Variants in NCAPG observed in about 807,000 individuals in gnomAD.
The protein encoded by NCAPG is condensin complex subunit 3.
Under a neutral mutation model 113.1 loss-of-function variants are expected in NCAPG, and 69 were observed. That is an observed-to-expected ratio of 0.61 (90% confidence interval 0.50 to 0.75). The LOEUF (loss-of-function observed/expected upper bound fraction) is 0.75, where lower values mean the gene tolerates loss of function less well. Among genes scored for constraint, NCAPG ranks in the 30% least tolerant of loss-of-function variants. The pLI, the probability that NCAPG is intolerant of heterozygous loss-of-function variation, is 0.00. For missense variants in NCAPG, 1,058 were observed against 1,177.0 expected (o/e 0.90, Z 1.48); for synonymous variants, 370 against 415.8 (o/e 0.89, Z 1.34).
intron 16 of NCAPG, among the ~76,000 whole-genome samples, chr4:17,838,135 C>A (rs543313477): frequency 1.3e-5 from 2 of 152,272 alleles, no homozygotes; most frequent in South Asian, 4.1e-4. Flanking sequence ...TGCTATGCTT[C>A]TGGCACAAGA....
At chr4:17,821,761 G>A (rs2109049812) in intron 7 of NCAPG, among the ~76,000 whole-genome samples, 1 of 143,292 alleles carries the variant, frequency 7.0e-6, no homozygotes, top group East Asian at 2.0e-4. Flanking sequence ...CACTGTGCCC[G>A]GCGACATTTT....
chr4:17,817,987 G>T lies in NCAPG; in HGVS notation c.1017G>T (p.Trp339Cys), dbSNP rs965884253. 1 of 1,613,168 alleles carries T rather than the reference G, an allele frequency of 6.2e-7. No homozygotes were observed. The highest frequency in any genetic ancestry group is 8.5e-7 in the Non-Finnish European group (1 of 1,179,646). Residue 339 changes from tryptophan to cysteine, a missense_variant, in exon 7 of 21, where the codon TGG (tryptophan) becomes TGT (cysteine). Physicochemically the swap from Trp to Cys is radical, Grantham distance 215 (BLOSUM62 -2). Coordinates refer to ENST00000251496, the MANE Select transcript of NCAPG (RefSeq NM_022346.5). ...TAACTCCTGAAATTGCTTTGTATTGGTGTGCCCTTTGTGAATATTTGAAAT... is the reference window on the plus strand; with the variant it reads ...TAACTCCTGAAATTGCTTTGTATTGTTGTGCCCTTTGTGAATATTTGAAAT... The part of the protein sequence containing the change: ...ETLTPEIALY[W>C]CALCEYLKSK...
At chr4:17,826,413 C>T (rs1025783867) in intron 11 of NCAPG, among the ~76,000 whole-genome samples, 5 of 152,160 alleles carry the variant, frequency 3.3e-5, no homozygotes, top group African/African-American at 4.8e-5. Context: ...ATAGACATCC[C>T]AACTCCAACA....
rs1159120204 is a variant in NCAPG at position 17,830,993 on chromosome 4, T to G, written c.1765-4T>G. ...TCATATGGAAAATTTCTGATTCATTTTAGATTCTTCCTGGAATAATAAGTA... is the reference window on the plus strand; with the variant it reads ...TCATATGGAAAATTTCTGATTCATTGTAGATTCTTCCTGGAATAATAAGTA... On this transcript the variant is annotated splice_polypyrimidine_tract_variant and splice_region_variant and intron_variant, in intron 12 of 20. Coordinates refer to ENST00000251496, the MANE Select transcript of NCAPG (RefSeq NM_022346.5). 1.9e-6 allele frequency: 3 copies of G among 1,609,806 alleles called. No homozygotes were observed. In the South Asian group the frequency reaches 3.3e-5, roughly 18 times the overall value.
intron 13 of NCAPG, among the ~76,000 whole-genome samples, chr4:17,831,971 T>C (rs756861322): frequency 2.6e-5 from 4 of 152,104 alleles, no homozygotes; most frequent in Non-Finnish European, 5.9e-5. Context: ...TATTTTTAGA[T>C]TTTTGTGGGC....
intron 13 of NCAPG, among the ~76,000 whole-genome samples, chr4:17,831,692 G>A (rs1403079414): frequency 3.3e-5 from 5 of 152,144 alleles, no homozygotes; most frequent in Admixed American, 1.3e-4. Flanking sequence ...TGGGGTGTAG[G>A]ACTTTGGGTG....
rs1191070517 is a variant in NCAPG at position 17,815,257 on chromosome 4, T to C, written c.691-17T>C. 6.3e-7 allele frequency: 1 copy of C among 1,584,210 alleles called. No individual in the cohort carries two copies. Among genetic ancestry groups the C allele is most frequent in the African/African-American group, 1.4e-5 (1 of 73,398 alleles). On this transcript the variant is annotated splice_polypyrimidine_tract_variant and intron_variant, in intron 4 of 20. Transcript: ENST00000251496. ...TTGTGTTGAGGTTAATGACCATCTT[T>C]ATAAATTATTTTTAAGGTTTTAGCT...
Position 17,825,009 on chromosome 4 carries a change from T to C in NCAPG, c.1425T>C (p.Thr475=), listed in dbSNP as rs1707414653. 1 of 1,613,046 alleles carries C rather than the reference T, an allele frequency of 6.2e-7. No individual in the cohort carries two copies. The highest frequency in any genetic ancestry group is 8.5e-7 in the Non-Finnish European group (1 of 1,179,362). ...IISEIRAPIV[T]VGVNNDPADV... is the part of the protein sequence containing the mutation. ...CAGAGATTCGGGCGCCCATTGTTAC[T>C]GTTGGTGTTAATAACGATCCAGCTG... Residue 475 remains threonine, a synonymous_variant, in exon 10 of 21, where the codon ACT becomes ACC. Coordinates refer to ENST00000251496, the MANE Select transcript of NCAPG (RefSeq NM_022346.5).
intron 9 of NCAPG, among the ~76,000 whole-genome samples, chr4:17,824,206 T>C (rs1200658711): frequency 1.3e-5 from 2 of 152,178 alleles, no homozygotes; most frequent in African/African-American, 4.8e-5. Flanking sequence ...ACCTTTCATT[T>C]TTCAATGAGG....
intron 20 of NCAPG, chr4:17,842,696 C>T: frequency 3.8e-6 from 1 of 263,074 alleles, no homozygotes; most frequent in South Asian, 4.8e-5. Context: ...TATTTGGGTT[C>T]TCTACACTTA....
intron 13 of NCAPG, among the ~76,000 whole-genome samples, chr4:17,831,437 G>A (rs937750343): frequency 3.9e-5 from 6 of 152,130 alleles, no homozygotes; most frequent in Non-Finnish European, 8.8e-5. Context: ...AAAATGTGTT[G>A]TCTTAATGGA....
chr4:17,820,301 T>C (rs1460206326), intron 7 of NCAPG, among the ~76,000 whole-genome samples: 12 of 152,064 alleles, frequency 7.9e-5, no homozygotes, highest in Non-Finnish European at 1.6e-4. Context: ...TTTCTTCACC[T>C]TTAAAGAGGA....
Position 17,835,833 on chromosome 4 carries a change from T to C in NCAPG, c.2109+1310T>C, listed in dbSNP as rs75485138. On this transcript the variant is annotated intron_variant, in intron 14 of 20. Coordinates refer to ENST00000251496, the MANE Select transcript of NCAPG (RefSeq NM_022346.5). ...CTTTTTGTAGCCGAATACTCCATTT[T>C]ATGTATATATGGTGATTTGTTTATG... Among the ~76,000 whole-genome samples the C allele has an allele frequency of 1.1e-4, 17 of 152,368 alleles. No homozygotes were observed. The East Asian group carries it at 3.1e-3, about 28-fold the overall frequency.
chr4:17,823,009 A>G lies in NCAPG; in HGVS notation c.1145A>G (p.Asn382Ser), dbSNP rs1721521448. ...TACATCCAGAGCATTCCAGTTGTTA[A>G]TGAAGAACACAGAGGTGATTTTTCC... Reference protein sequence around the residue: ...LSYIQSIPVVNEEHRGDFSYI... With the variant: ...LSYIQSIPVVSEEHRGDFSYI... Residue 382 changes from asparagine to serine, a missense_variant, in exon 8 of 21, where the codon AAT becomes AGT. By Grantham distance (46) the Asn-to-Ser change is conservative (BLOSUM62 1). Coordinates refer to ENST00000251496, the MANE Select transcript of NCAPG (RefSeq NM_022346.5). 1.9e-6 allele frequency: 3 copies of G among 1,606,286 alleles called. No individual in the cohort carries two copies. The highest frequency in any genetic ancestry group is 1.1e-5 in the South Asian group (1 of 89,334).
At chr4:17,839,906 G>A in intron 17 of NCAPG, 69 bp downstream of exon 17, 1 of 1,472,282 alleles carries the variant, frequency 6.8e-7, no homozygotes, top group East Asian at 2.4e-5. Context: ...TTACATGGTT[G>A]TATTAGATTA....
intron 12 of NCAPG, among the ~76,000 whole-genome samples, chr4:17,830,725 A>G (rs1721836240): frequency 6.6e-6 from 1 of 152,152 alleles, no homozygotes; most frequent in Admixed American, 6.5e-5. Flanking sequence ...TGGGAAAGAA[A>G]CTACACAATA....
At chr4:17,837,842 T>A in intron 16 of NCAPG, 41 bp downstream of exon 16, 1 of 1,604,720 alleles carries the variant, frequency 6.2e-7, no homozygotes, top group Non-Finnish European at 8.5e-7. Context: ...ACTGTTTTGG[T>A]AAAATAATCT....
In NCAPG at chr4:17,812,348, A is replaced by C; in HGVS notation, c.239A>C (p.His80Pro). Residue 80 changes from histidine (H) to proline (P), a missense_variant, in exon 2 of 21, where the codon CAC (histidine) becomes CCC (proline). By Grantham distance (77) the His-to-Pro change is moderately conservative. Coordinates refer to ENST00000251496, the MANE Select transcript of NCAPG (RefSeq NM_022346.5). The stretch of plus-strand genomic sequence containing the variant: ...GCAGCAAAGTTTGTTACCTCATTTC[A>C]CCAATCAGATATGGAAGATGATGAG... Reference protein sequence around the residue: ...EFAAKFVTSFHQSDMEDDEEE... With the variant: ...EFAAKFVTSFPQSDMEDDEEE... The C allele has an allele frequency of 6.2e-7, 1 of 1,613,804 alleles. No individual in the cohort carries two copies. The highest frequency in any genetic ancestry group is 8.5e-7 in the Non-Finnish European group (1 of 1,179,860).
intron 11 of NCAPG, 134 bp downstream of exon 11, chr4:17,825,695 GAA>G: frequency 1.4e-6 from 1 of 737,900 alleles, no homozygotes; most frequent in Admixed American, 3.9e-5. Context: ...GAATTAAAAT[GAA>G]AAAAGTTTTT....
Sources: gnomAD v4.1 joint callset for allele counts (sites outside exome capture counted in the v4.1 genomes callset) on GRCh38, gnomAD v4.1.1 for gene constraint, MANE v1.5 for transcripts, NCBI Gene and HGNC (gene_info 2026-07-23, HGNC 2026-07-21) for gene names.